The following SNTG1 variants were observed in gnomAD, a reference collection of about 807,000 sequenced individuals.
SNTG1 encodes the protein syntrophin gamma 1.
SNTG1 carries 39 observed loss-of-function variants against 74.7 expected under a neutral mutation model. The ratio of observed to expected loss-of-function variants is 0.52; its 90% CI spans 0.40 to 0.68. The LOEUF is 0.68. SNTG1 is among the 30% of genes least tolerant of loss of function. SNTG1 has a pLI of 0.00. For synonymous variants in SNTG1, 254 were observed against 217.1 expected, an observed-to-expected ratio of 1.17 and a Z score of -1.49; for missense variants, 685 against 609.5, an observed-to-expected ratio of 1.12 and a Z score of -1.30.
chr8:49,923,528 A>G (rs894258734), intron 1 of SNTG1, among the ~76,000 whole-genome samples: 1 of 152,152 alleles, frequency 6.6e-6, no homozygotes, highest in African/African-American at 2.4e-5. Flanking sequence ...CTTCACTGTA[A>G]TGAAGCCAAA....
chr8:50,732,771 T>A (rs1400803401), intron 17 of SNTG1, among the ~76,000 whole-genome samples: 1 of 152,008 alleles, frequency 6.6e-6, no homozygotes, highest in Non-Finnish European at 1.5e-5. Context: ...TTTTCAGTGA[T>A]CTTTACTAAT....
intron 2 of SNTG1, among the ~76,000 whole-genome samples, chr8:50,178,462 C>T (rs1372446038): frequency 6.6e-6 from 1 of 151,692 alleles, no homozygotes; most frequent in East Asian, 1.9e-4. Flanking sequence ...GGTTATCTAA[C>T]ATGTTAGTTT....
chr8:50,483,092 T>C (rs1031083644), intron 8 of SNTG1, among the ~76,000 whole-genome samples: 1 of 152,182 alleles, frequency 6.6e-6, no homozygotes, highest in Non-Finnish European at 1.5e-5. Context: ...TTTTTAGATA[T>C]TTGCACTAAT....
At chr8:49,942,347 A>G (rs781773550) in intron 1 of SNTG1, among the ~76,000 whole-genome samples, 1 of 152,204 alleles carries the variant, frequency 6.6e-6, no homozygotes, top group Non-Finnish European at 1.5e-5. Context: ...AGTAGTTTTT[A>G]ATATACAGAA....
intron 1 of SNTG1, among the ~76,000 whole-genome samples, chr8:50,103,776 G>A (rs559279681): frequency 6.6e-6 from 1 of 152,144 alleles, no homozygotes; most frequent in Non-Finnish European, 1.5e-5. Flanking sequence ...ATGAAGAGTT[G>A]TTGAATTTTG....
At chr8:50,446,273 C>T (rs1307736576) in intron 5 of SNTG1, among the ~76,000 whole-genome samples, 1 of 151,864 alleles carries the variant, frequency 6.6e-6, no homozygotes, top group African/African-American at 2.4e-5. Flanking sequence ...ATTTTGAGTT[C>T]CAATTTTATC....
At chr8:50,396,977 T>A (rs1253778446) in intron 3 of SNTG1, among the ~76,000 whole-genome samples, 1 of 152,238 alleles carries the variant, frequency 6.6e-6, no homozygotes, top group Non-Finnish European at 1.5e-5. Flanking sequence ...AGCTAATTAA[T>A]AATTTAAATA....
At chr8:50,068,340 G>A (rs1821070149) in intron 1 of SNTG1, among the ~76,000 whole-genome samples, 1 of 152,098 alleles carries the variant, frequency 6.6e-6, no homozygotes, top group African/African-American at 2.4e-5. Flanking sequence ...TCTTGCCACC[G>A]GACTTGTACT....
intron 1 of SNTG1, among the ~76,000 whole-genome samples, chr8:50,159,912 G>A (rs1179081352): frequency 2.0e-5 from 3 of 152,080 alleles, no homozygotes; most frequent in African/African-American, 7.2e-5. Flanking sequence ...ATTAAACCAA[G>A]TTCTTCAGAA....
chr8:50,009,425 T>A (rs1305767070), intron 1 of SNTG1, among the ~76,000 whole-genome samples: 1 of 152,186 alleles, frequency 6.6e-6, no homozygotes, highest in African/African-American at 2.4e-5. Context: ...ATTTGGTCTA[T>A]GTTTTTCACC....
chr8:50,276,153 G>T (rs2088088219), intron 2 of SNTG1, among the ~76,000 whole-genome samples: 1 of 152,056 alleles, frequency 6.6e-6, no homozygotes, highest in Admixed American at 6.6e-5. Context: ...AGACAGCTGT[G>T]ATTTGCCACA....
intron 1 of SNTG1, among the ~76,000 whole-genome samples, chr8:49,937,355 G>A (rs1808181597): frequency 6.6e-6 from 1 of 152,200 alleles, no homozygotes; most frequent in Non-Finnish European, 1.5e-5. Context: ...ATAGAGGCCT[G>A]CGGGGACTTT....
chr8:50,722,729 T>C (rs2095490757), intron 17 of SNTG1, among the ~76,000 whole-genome samples: 1 of 152,192 alleles, frequency 6.6e-6, no homozygotes. Context: ...TGAACTCCAG[T>C]AGTAAAAGTG....
chr8:50,260,534 C>T (rs970086204), intron 2 of SNTG1, among the ~76,000 whole-genome samples: 2 of 151,766 alleles, frequency 1.3e-5, no homozygotes, highest in Non-Finnish European at 2.9e-5. Context: ...CACAGACACA[C>T]ACACACACTA....
At chr8:50,238,190 C>T (rs575683742) in intron 2 of SNTG1, among the ~76,000 whole-genome samples, 1 of 152,058 alleles carries the variant, frequency 6.6e-6, no homozygotes, top group African/African-American at 2.4e-5. Flanking sequence ...CCAAAGCAAC[C>T]CTAAGCAAAA....
intron 13 of SNTG1, among the ~76,000 whole-genome samples, chr8:50,604,434 A>G (rs2094797616): frequency 1.3e-5 from 2 of 152,118 alleles, no homozygotes; most frequent in Non-Finnish European, 2.9e-5. Context: ...AAGAAAAAAA[A>G]AAAGAAAACC....
At chr8:50,625,850 A>G (rs973459548) in intron 13 of SNTG1, among the ~76,000 whole-genome samples, 4 of 152,230 alleles carry the variant, frequency 2.6e-5, no homozygotes, top group African/African-American at 9.6e-5. Flanking sequence ...TGATATATGT[A>G]GATATGATAC....
chr8:50,447,173 A>G (rs2093415288), intron 5 of SNTG1, among the ~76,000 whole-genome samples: 1 of 152,186 alleles, frequency 6.6e-6, no homozygotes, highest in Non-Finnish European at 1.5e-5. Flanking sequence ...ACCCTCAGAA[A>G]AACTCTATCT....
intron 13 of SNTG1, among the ~76,000 whole-genome samples, chr8:50,635,196 A>G (rs939430447): frequency 3.9e-5 from 6 of 152,144 alleles, no homozygotes; most frequent in Admixed American, 3.3e-4. Flanking sequence ...GGCATAATAC[A>G]CTAAGCACTG....
Sources: allele counts gnomAD v4.1 joint callset (sites outside exome capture counted in the v4.1 genomes callset), GRCh38; gene constraint gnomAD v4.1.1; transcripts MANE v1.5; gene names NCBI Gene and HGNC (gene_info 2026-07-23, HGNC 2026-07-21).